The following RBMS1 variants were observed in gnomAD, a reference collection of about 807,000 sequenced individuals.
RBMS1 encodes the protein RNA-binding motif, single-stranded-interacting protein 1.
RBMS1 carries 17 observed loss-of-function variants against 62.3 expected under a neutral mutation model. That is an observed-to-expected ratio of 0.27 (90% CI 0.19 to 0.41). RBMS1 has a LOEUF of 0.41. RBMS1 is among the 10% of genes least tolerant of loss of function. The pLI is 1.00. For synonymous variants in RBMS1, 172 were observed against 170.0 expected, an observed-to-expected ratio of 1.01 and a Z score of -0.09; for missense variants, 334 against 504.5, an observed-to-expected ratio of 0.66 and a Z score of 3.24.
intron 1 of RBMS1, among the ~76,000 whole-genome samples, chr2:160,376,068 T>G (rs1465396756): frequency 6.6e-6 from 1 of 152,220 alleles, no homozygotes; most frequent in Non-Finnish European, 1.5e-5. Context: ...CAGTACAGTC[T>G]GTATCTTAGT....
intron 1 of RBMS1, among the ~76,000 whole-genome samples, chr2:160,491,304 G>C (rs1685817102): frequency 6.6e-6 from 1 of 152,104 alleles, no homozygotes; most frequent in Non-Finnish European, 1.5e-5. Context: ...CAGAAACAAA[G>C]GAATTCCGAA....
chr2:160,468,129 A>T (rs1458336965), intron 1 of RBMS1, among the ~76,000 whole-genome samples: 2 of 152,234 alleles, frequency 1.3e-5, no homozygotes, highest in African/African-American at 2.4e-5. Context: ...AACTTCAGGG[A>T]TGTTAAAGAA....
chr2:160,476,318 G>A (rs1204521661), intron 1 of RBMS1, among the ~76,000 whole-genome samples: 1 of 152,142 alleles, frequency 6.6e-6, no homozygotes, highest in Non-Finnish European at 1.5e-5. Context: ...TCATAGTAAA[G>A]CTTGAGATTG....
intron 12 of RBMS1, 103 bp downstream of exon 12, chr2:160,277,200 A>G: frequency 9.3e-7 from 1 of 1,076,762 alleles, no homozygotes. Context: ...GCAATTCTTT[A>G]TGCAAATATT....
intron 1 of RBMS1, among the ~76,000 whole-genome samples, chr2:160,489,934 GAA>G (rs1685752463): frequency 1.3e-5 from 2 of 152,032 alleles, no homozygotes; most frequent in African/African-American, 4.8e-5. Flanking sequence ...AAAAGAAACA[GAA>G]TATTTCAATC....
At chr2:160,423,899 C>T (rs934965067) in intron 1 of RBMS1, among the ~76,000 whole-genome samples, 6 of 152,172 alleles carry the variant, frequency 3.9e-5, no homozygotes, top group African/African-American at 1.4e-4. Context: ...GTCCATTTCA[C>T]TGGAGGGTAA....
At position 160,493,092 on chromosome 2, in the gene RBMS1, C is replaced by A. The variant is rs1276455181; in HGVS notation, c.75+197G>T. 5 of 559,026 alleles carry A rather than the reference C, an allele frequency of 8.9e-6. 1 individual carries two copies. Among genetic ancestry groups the A allele is most frequent in the Middle Eastern group, 9.4e-4 (2 of 2,134 alleles). The allele number at this position is 559,026 out of a possible 1,614,324, so 34.6% of individuals were successfully genotyped here. On this transcript the variant is annotated intron_variant, in intron 1 of 13. Transcript: ENST00000348849. The stretch of plus-strand genomic sequence containing the variant: ...CCGCGGCTTTCTGTAACCCGATCCC[C>A]GCACTCCGCTCCCAGGGAAGCCGCC...
chr2:160,404,176 G>T (rs1695576097), intron 1 of RBMS1, among the ~76,000 whole-genome samples: 1 of 152,012 alleles, frequency 6.6e-6, no homozygotes, highest in African/African-American at 2.4e-5. Flanking sequence ...CTGCCTACTC[G>T]GTTATCACTC....
intron 1 of RBMS1, among the ~76,000 whole-genome samples, chr2:160,403,105 A>C (rs2105235132): frequency 6.6e-6 from 1 of 152,358 alleles, no homozygotes; most frequent in South Asian, 2.1e-4. Flanking sequence ...AAAGTGGACA[A>C]TCACGATGAA....
chr2:160,452,842 T>C (rs1684051025), intron 1 of RBMS1, among the ~76,000 whole-genome samples: 1 of 152,058 alleles, frequency 6.6e-6, no homozygotes, highest in Non-Finnish European at 1.5e-5. Flanking sequence ...ATGATAAAAG[T>C]CTCCCAGGAG....
intron 2 of RBMS1, among the ~76,000 whole-genome samples, chr2:160,366,470 T>C (rs1365489853): frequency 6.6e-6 from 1 of 152,246 alleles, no homozygotes; most frequent in Non-Finnish European, 1.5e-5. Flanking sequence ...TCTAGCTCGA[T>C]GCAATTTGAT....
intron 1 of RBMS1, among the ~76,000 whole-genome samples, chr2:160,490,774 A>T (rs1685790370): frequency 6.6e-6 from 1 of 152,220 alleles, no homozygotes; most frequent in Admixed American, 6.5e-5. Context: ...AGAAAATCAC[A>T]TCTATCTCTT....
intron 1 of RBMS1, among the ~76,000 whole-genome samples, chr2:160,477,190 G>T (rs1685179094): frequency 1.3e-5 from 2 of 152,082 alleles, no homozygotes; most frequent in South Asian, 4.1e-4. Context: ...ACACAGAATT[G>T]CATGTATCTA....
chr2:160,337,322 C>T (rs184819244), intron 2 of RBMS1, among the ~76,000 whole-genome samples: 12 of 151,682 alleles, frequency 7.9e-5, no homozygotes, highest in Admixed American at 2.0e-4. Context: ...TTTAATAAGG[C>T]GGGGTTTCAC....
chr2:160,434,706 G>A lies in RBMS1; in HGVS notation c.75+58583C>T, dbSNP rs1274243659. On this transcript the variant is annotated intron_variant, in intron 1 of 13. Coordinates refer to ENST00000348849, the MANE Select transcript of RBMS1 (RefSeq NM_016836.4). ...AATAGAGTTTGTGGCTACCCTATTA[G>A]ACAGCACAGGCTTATAATTAACTAA... 2.0e-5 allele frequency among the ~76,000 whole-genome samples: 3 copies of A among 152,258 alleles called. No individual in the cohort carries two copies. In the South Asian group the frequency reaches 6.2e-4, roughly 32 times the overall value.
intron 1 of RBMS1, among the ~76,000 whole-genome samples, chr2:160,412,198 A>T (rs1696063894): frequency 6.6e-6 from 1 of 152,264 alleles, no homozygotes; most frequent in Non-Finnish European, 1.5e-5. Flanking sequence ...AGGAGATGAC[A>T]CACATAGGTA....
rs776615080 is a variant in RBMS1 at position 160,284,814 on chromosome 2, A to T, written c.861T>A (p.Ser287=). The T allele has an allele frequency of 1.2e-6, 2 of 1,610,440 alleles. No homozygotes were observed. The highest frequency in any genetic ancestry group is 2.7e-5 in the African/African-American group (2 of 74,840). Residue 287 remains serine (S), a synonymous_variant, in exon 9 of 14, where the codon TCT becomes TCA. Transcript: ENST00000348849. ...IATNRMITQT[S]ITPYIASPVS... is the part of the protein sequence containing the mutation. ...CAGGAGATGCAATATAGGGTGTAATAGAAGTTTGAGTGATCATTCGGTTTG... is the reference window on the plus strand; with the variant it reads ...CAGGAGATGCAATATAGGGTGTAATTGAAGTTTGAGTGATCATTCGGTTTG...
At chr2:160,380,207 C>T (rs1246407561) in intron 1 of RBMS1, among the ~76,000 whole-genome samples, 1 of 152,112 alleles carries the variant, frequency 6.6e-6, no homozygotes, top group Non-Finnish European at 1.5e-5. Context: ...GAAAATGATG[C>T]CTAAGTGGAA....
chr2:160,302,203 C>CTT (rs767307018), intron 5 of RBMS1, among the ~76,000 whole-genome samples: 1 of 142,092 alleles, frequency 7.0e-6, no homozygotes. Flanking sequence ...GACTTTTAGA[C>CTT]TTTTTTTTTT....
Sources: gnomAD v4.1 joint callset for allele counts (sites outside exome capture counted in the v4.1 genomes callset) on GRCh38, gnomAD v4.1.1 for gene constraint, MANE v1.5 for transcripts, NCBI Gene and HGNC (gene_info 2026-07-23, HGNC 2026-07-21) for gene names.